The following MS4A18 variants were observed in gnomAD, a reference collection of about 807,000 sequenced individuals.
MS4A18 encodes the protein membrane spanning 4-domains A18, also known as membrane-spanning 4-domains subfamily A member 18.
A neutral mutation model predicts 13.1 loss-of-function variants in MS4A18; 27 were observed. The observed-to-expected ratio is 2.06, with a 90% CI of 1.52 to 2.84. The LOEUF is 2.84. MS4A18 is among the 30% of genes most tolerant of loss of function. The probability of loss-of-function intolerance (pLI) is 0.00; values close to 1 mark genes in which losing one functional copy is unlikely to be tolerated. For missense variants in MS4A18, 307 were observed against 196.4 expected, an observed-to-expected ratio of 1.56 and a Z score of -3.37; for synonymous variants, 126 against 76.5, an observed-to-expected ratio of 1.65 and a Z score of -3.38.
chr11:60,728,373 C>T (rs552147919), upstream of MS4A18, among the ~76,000 whole-genome samples: 1 of 151,690 alleles, frequency 6.6e-6, no homozygotes, highest in African/African-American at 2.4e-5. Context: ...CATCAAAGAC[C>T]AAGGTAGTAT....
intron 5 of MS4A18, 143 bp downstream of exon 6, chr11:60,741,286 A>G: frequency 1.5e-6 from 1 of 658,736 alleles, no homozygotes; most frequent in Non-Finnish European, 2.8e-6. Flanking sequence ...TACCTACCCC[A>G]GAACTTAGTG....
At chr11:60,733,796 A>G in intron 2 of MS4A18, 149 bp downstream of exon 3, 1 of 644,874 alleles carries the variant, frequency 1.6e-6, no homozygotes, top group Non-Finnish European at 2.8e-6. Flanking sequence ...GCAAAGGGTT[A>G]TATCAACTCC....
At chr11:60,735,082 C>A (rs1853314648) in intron 2 of MS4A18, among the ~76,000 whole-genome samples, 1 of 152,114 alleles carries the variant, frequency 6.6e-6, no homozygotes, top group African/African-American at 2.4e-5. Flanking sequence ...CCCACCCAGC[C>A]TAACAATATG....
At chr11:60,726,948 G>A (rs959872096), upstream of MS4A18, among the ~76,000 whole-genome samples, 2 of 151,602 alleles carry the variant, frequency 1.3e-5, no homozygotes, top group Non-Finnish European at 2.9e-5. Context: ...CCTCCGACAG[G>A]CCCCAGTGTG....
chr11:60,729,819 G>A (rs1052667909), intron 1 of MS4A18, 33 bp downstream of exon 2: 15 of 670,430 alleles, frequency 2.2e-5, no homozygotes, highest in Non-Finnish European at 3.3e-5. Context: ...TCCGATTTGG[G>A]TCACTTCATA....
At position 60,733,547 on chromosome 11, in the gene MS4A18, T is replaced by C. The variant is rs1853287436; in HGVS notation, c.491T>C (p.Leu164Pro). The change falls in exon 2 of 6, where the codon CTC (leucine) becomes CCC (proline). Residue 164 changes from leucine to proline, a missense_variant. Physicochemically the swap from Leu to Pro is moderately conservative, Grantham distance 98. Transcript: ENST00000529108. ...TTCTCCCTGCAGGCCATCCAGATCCTCATCGGCCTGACGCACATTTTCTCT... is the reference window on the plus strand; with the variant it reads ...TTCTCCCTGCAGGCCATCCAGATCCCCATCGGCCTGACGCACATTTTCTCT... 3 of 703,184 alleles carry C rather than the reference T, an allele frequency of 4.3e-6. No individual in the cohort carries two copies. The South Asian group carries it at 4.4e-5, about 10-fold the overall frequency. The allele number at this position is 703,184 out of a possible 1,614,324, so 43.6% of individuals were successfully genotyped here.
At chr11:60,737,940 C>A (rs1853365242) in intron 3 of MS4A18, among the ~76,000 whole-genome samples, 1 of 152,198 alleles carries the variant, frequency 6.6e-6, no homozygotes, top group Non-Finnish European at 1.5e-5. Flanking sequence ...CAGCATCAAC[C>A]AAGCTCACAC....
chr11:60,728,086 G>C (rs929559070), upstream of MS4A18, among the ~76,000 whole-genome samples: 2 of 152,148 alleles, frequency 1.3e-5, no homozygotes, highest in African/African-American at 4.8e-5. Flanking sequence ...CTACATGGTC[G>C]CAATCCCAAC....
At chr11:60,729,831 G>T (rs995795106) in intron 1 of MS4A18, 45 bp downstream of exon 2, 2 of 660,604 alleles carry the variant, frequency 3.0e-6, no homozygotes, top group Non-Finnish European at 5.5e-6. Context: ...CACTTCATAA[G>T]CCCTCGTCTA....
chr11:60,744,971 A>G (rs1401615538), downstream of MS4A18, among the ~76,000 whole-genome samples: 1 of 152,256 alleles, frequency 6.6e-6, no homozygotes, highest in Non-Finnish European at 1.5e-5. Flanking sequence ...CATATGACTC[A>G]GCAATCTTGT....
chr11:60,740,532 C>G (rs1853399685), intron 4 of MS4A18, among the ~76,000 whole-genome samples: 1 of 152,210 alleles, frequency 6.6e-6, no homozygotes, highest in Admixed American at 6.5e-5. Context: ...TATCCCCTGG[C>G]CCCAGGCAAG....
chr11:60,744,305 A>C, downstream of MS4A18: 11 of 306,040 alleles, frequency 3.6e-5, no homozygotes, highest in East Asian at 8.0e-5. Context: ...CCGGTTCTAA[A>C]TCGGTGCCTC....
At chr11:60,729,811 C>T (rs558089842) in intron 1 of MS4A18, 25 bp downstream of exon 2, 50 of 673,194 alleles carry the variant, frequency 7.4e-5, no homozygotes, top group East Asian at 4.0e-4. Context: ...TCCTTCTCTC[C>T]GATTTGGGTC....
At chr11:60,731,251 G>A (rs1853249274) in intron 1 of MS4A18, among the ~76,000 whole-genome samples, 1 of 152,128 alleles carries the variant, frequency 6.6e-6, no homozygotes, top group African/African-American at 2.4e-5. Context: ...AATTAATACT[G>A]GGTAAAGGTT....
At chr11:60,727,448 C>T (rs1853183443), upstream of MS4A18, among the ~76,000 whole-genome samples, 1 of 152,210 alleles carries the variant, frequency 6.6e-6, no homozygotes, top group Non-Finnish European at 1.5e-5. Flanking sequence ...AACCCTGATA[C>T]TGTCTTGCTT....
At chr11:60,726,612 G>A (rs1396234539), upstream of MS4A18, among the ~76,000 whole-genome samples, 2 of 152,064 alleles carry the variant, frequency 1.3e-5, no homozygotes, top group African/African-American at 2.4e-5. Flanking sequence ...TCCAGAGACC[G>A]TACTTTGAGA....
At chr11:60,725,143 G>A (rs564085786), upstream of MS4A18, among the ~76,000 whole-genome samples, 35 of 152,246 alleles carry the variant, frequency 2.3e-4, no homozygotes, top group South Asian at 2.3e-3. Context: ...GGTCTACTTA[G>A]GACCTCAATC....
chr11:60,728,125 T>C (rs1853191388), upstream of MS4A18, among the ~76,000 whole-genome samples: 1 of 152,138 alleles, frequency 6.6e-6, no homozygotes, highest in South Asian at 2.1e-4. Flanking sequence ...CATGAAGAGA[T>C]TGAAAGGGAT....
At chr11:60,734,942 C>T (rs933353887) in intron 2 of MS4A18, among the ~76,000 whole-genome samples, 1 of 151,954 alleles carries the variant, frequency 6.6e-6, no homozygotes, top group Admixed American at 6.6e-5. Context: ...CCACCATGCC[C>T]GGCTAATTTT....
Sources: allele counts gnomAD v4.1 joint callset (sites outside exome capture counted in the v4.1 genomes callset), GRCh38; gene constraint gnomAD v4.1.1; transcripts MANE v1.5; gene names NCBI Gene and HGNC (gene_info 2026-07-23, HGNC 2026-07-21).